ALCAM: variants seen among roughly 807,000 people sequenced by gnomAD.
The protein encoded by ALCAM is CD166 antigen.
ALCAM carries 30 observed loss-of-function variants against 70.9 expected under a neutral mutation model. The ratio of observed to expected loss-of-function variants is 0.42; its 90% CI spans 0.32 to 0.57. ALCAM has a LOEUF of 0.57. ALCAM is among the 20% of genes least tolerant of loss of function. The probability of loss-of-function intolerance (pLI) is 0.11; values close to 1 mark genes in which losing one functional copy is unlikely to be tolerated. For synonymous variants in ALCAM, 249 were observed against 242.5 expected (o/e 1.03, Z -0.25); for missense variants, 591 against 695.1 (o/e 0.85, Z 1.68).
At chr3:105,370,929 CA>C (rs1935212227) in intron 1 of ALCAM, among the ~76,000 whole-genome samples, 1 of 152,076 alleles carries the variant, frequency 6.6e-6, no homozygotes. Flanking sequence ...ATTCATATGA[CA>C]AAGCCTCATA....
chr3:105,539,406 T>C (rs1940060417), intron 6 of ALCAM, among the ~76,000 whole-genome samples: 1 of 152,080 alleles, frequency 6.6e-6, no homozygotes, highest in African/African-American at 2.4e-5. Context: ...TACAATACAC[T>C]TACAGTCCTG....
intron 1 of ALCAM, among the ~76,000 whole-genome samples, chr3:105,479,671 A>G (rs2152606960): frequency 6.6e-6 from 1 of 152,304 alleles, no homozygotes; most frequent in Middle Eastern, 3.4e-3. Flanking sequence ...CTTTATAATG[A>G]CCATCATATA....
chr3:105,491,990 C>G (rs1373119276), intron 1 of ALCAM, among the ~76,000 whole-genome samples: 2 of 152,160 alleles, frequency 1.3e-5, no homozygotes, highest in African/African-American at 4.8e-5. Context: ...CATTTTCACT[C>G]TTCTATGAAG....
chr3:105,552,938 C>T, intron 14 of ALCAM: 1 of 1,071,212 alleles, frequency 9.3e-7, no homozygotes, highest in Non-Finnish European at 1.1e-6. Flanking sequence ...ATTAAAAGTA[C>T]CTAGTACATC....
intron 1 of ALCAM, among the ~76,000 whole-genome samples, chr3:105,431,494 T>G (rs1363304967): frequency 6.6e-6 from 1 of 152,038 alleles, no homozygotes; most frequent in Admixed American, 6.6e-5. Flanking sequence ...GCAAAATGTG[T>G]AAGTGCTTTC....
intron 14 of ALCAM, 36 bp from the exon 15 acceptor site, chr3:105,571,816 T>C (rs1559661310): frequency 1.4e-6 from 2 of 1,394,066 alleles, no homozygotes; most frequent in Non-Finnish European, 1.0e-6. Context: ...AACATGTATG[T>C]GTCAATATGA....
rs1940945661 is a variant in ALCAM at position 105,575,570 on chromosome 3, G to A, written c.*1119G>A. ...AATTTATCAAGCAGTACATGAAAGT[G>A]TAATAATAAAATGTCTATGTATCTT... On this transcript the variant is annotated 3_prime_UTR_variant, in exon 16 of 16. Transcript: ENST00000306107. 1.3e-5 allele frequency: 2 copies of A among 152,512 alleles called. No individual in the cohort carries two copies. Among genetic ancestry groups the A allele is most frequent in the South Asian group, 2.1e-4 (1 of 4,826 alleles). 9.4% of individuals were successfully genotyped at this position (152,512 alleles called of 1,614,324 possible).
At chr3:105,448,889 C>G (rs893231619) in intron 1 of ALCAM, among the ~76,000 whole-genome samples, 1 of 152,086 alleles carries the variant, frequency 6.6e-6, no homozygotes, top group South Asian at 2.1e-4. Flanking sequence ...GGATTCTGCC[C>G]GGGTGTCAAC....
chr3:105,508,554 C>T (rs1255439707), intron 1 of ALCAM, among the ~76,000 whole-genome samples: 1 of 152,122 alleles, frequency 6.6e-6, no homozygotes, highest in Non-Finnish European at 1.5e-5. Flanking sequence ...ACCATAAAAA[C>T]ATTCAGTATT....
intron 1 of ALCAM, among the ~76,000 whole-genome samples, chr3:105,482,628 C>T (rs1938304477): frequency 6.6e-6 from 1 of 152,100 alleles, no homozygotes; most frequent in African/African-American, 2.4e-5. Flanking sequence ...AACTGGAACA[C>T]ACCACACAAG....
At chr3:105,432,800 A>G (rs1936966079) in intron 1 of ALCAM, among the ~76,000 whole-genome samples, 1 of 152,186 alleles carries the variant, frequency 6.6e-6, no homozygotes, top group African/African-American at 2.4e-5. Context: ...CATACTAGAA[A>G]GGAAATTGTC....
rs1017337391 is a variant in ALCAM, at chr3:105,482,514, T to G, written c.74-37553T>G. Among the ~76,000 whole-genome samples the G allele has an allele frequency of 3.9e-5, 6 of 152,298 alleles. No individual in the cohort carries two copies. The East Asian group carries it at 1.2e-3, about 29-fold the overall frequency. On this transcript the variant is annotated intron_variant, in intron 1 of 15. Coordinates refer to ENST00000306107, the MANE Select transcript of ALCAM (RefSeq NM_001627.4). The stretch of plus-strand genomic sequence containing the variant: ...ATTTGAATTATTATTTTTACTCTCA[T>G]TATTTTAGTATAGTTTGTCCATTTC...
chr3:105,497,463 A>AT (rs1446605721), intron 1 of ALCAM, among the ~76,000 whole-genome samples: 1 of 151,914 alleles, frequency 6.6e-6, no homozygotes, highest in South Asian at 2.1e-4. Context: ...CTTGCTTATT[A>AT]TTTTTTTTAA....
At chr3:105,390,802 T>A (rs1315373072) in intron 1 of ALCAM, among the ~76,000 whole-genome samples, 1 of 152,152 alleles carries the variant, frequency 6.6e-6, no homozygotes, top group East Asian at 1.9e-4. Flanking sequence ...CAGTTTTAAT[T>A]TTCTGCGTAT....
chr3:105,422,420 T>C (rs1936691492), intron 1 of ALCAM, among the ~76,000 whole-genome samples: 1 of 151,470 alleles, frequency 6.6e-6, no homozygotes, highest in Non-Finnish European at 1.5e-5. Context: ...TTTTTTTTAC[T>C]CCTGGATTTT....
At chr3:105,422,048 A>G (rs1326967381) in intron 1 of ALCAM, among the ~76,000 whole-genome samples, 2 of 151,398 alleles carry the variant, frequency 1.3e-5, no homozygotes, top group African/African-American at 2.4e-5. Flanking sequence ...ATGCTTTTGC[A>G]TACTCACAGC....
chr3:105,380,257 A>G (rs552127279), intron 1 of ALCAM, among the ~76,000 whole-genome samples: 2 of 151,728 alleles, frequency 1.3e-5, no homozygotes, highest in African/African-American at 2.4e-5. Context: ...TTATTACTTT[A>G]CCTTTTAATT....
rs766553586 is a variant in ALCAM at position 105,524,297 on chromosome 3, C to T, written c.183C>T (p.Pro61=). The change falls in exon 3 of 16, where the codon CCC becomes CCT. Residue 61 remains proline (P), a synonymous_variant. Coordinates refer to ENST00000306107, the MANE Select transcript of ALCAM (RefSeq NM_001627.4). ...ATTATTTTAATTTTTAGGAAAAGCCCGATGGCTCCCCAGTATTTATTGCCT... is the reference window on the plus strand; with the variant it reads ...ATTATTTTAATTTTTAGGAAAAGCCTGATGGCTCCCCAGTATTTATTGCCT... ...LMFGKWKYEK[P]DGSPVFIAFR... The T allele has an allele frequency of 2.2e-5, 35 of 1,612,730 alleles. No individual in the cohort carries two copies. Among genetic ancestry groups the T allele is most frequent in the African/African-American group, 5.3e-5 (4 of 74,808 alleles).
intron 1 of ALCAM, among the ~76,000 whole-genome samples, chr3:105,393,063 G>A (rs891517799): frequency 6.6e-6 from 1 of 151,796 alleles, no homozygotes; most frequent in African/African-American, 2.4e-5. Flanking sequence ...TAGGATAACA[G>A]TTGTGCTCAT....
Sources: gnomAD v4.1 joint callset for allele counts (sites outside exome capture counted in the v4.1 genomes callset) on GRCh38, gnomAD v4.1.1 for gene constraint, MANE v1.5 for transcripts, NCBI Gene and HGNC (gene_info 2026-07-23, HGNC 2026-07-21) for gene names.